EVC: variants seen among roughly 807,000 people sequenced by gnomAD.
EVC encodes the protein evC complex member EVC.
EVC carries 116 observed loss-of-function variants against 118.9 expected under a neutral mutation model. The observed-to-expected ratio is 0.98, with a 90% CI of 0.84 to 1.14. The LOEUF is 1.14. Ranked by LOEUF, EVC falls within the 50% of genes most tolerant of loss-of-function variation. The probability of loss-of-function intolerance (pLI) is 0.00; values close to 1 mark genes in which losing one functional copy is unlikely to be tolerated. For missense variants in EVC, 1,401 were observed against 1,246.4 expected (o/e 1.12, Z -1.87); for synonymous variants, 619 against 534.7 (o/e 1.16, Z -2.18).
chr4:5,739,899 C>CGA lies in EVC; in HGVS notation c.703-1817_703-1816insGA, dbSNP rs796872603. Among the ~76,000 whole-genome samples the CGA allele has an allele frequency of 6.2e-4, 75 of 120,554 alleles. 1 individual carries two copies. The highest frequency in any genetic ancestry group is 2.2e-3 in the African/African-American group (71 of 31,642). The allele number at this position is 120,554 out of a possible 152,430, so 79.1% of individuals were successfully genotyped here. On this transcript the variant is annotated intron_variant, in intron 5 of 20. Coordinates refer to ENST00000264956, the MANE Select transcript of EVC (RefSeq NM_153717.3). The stretch of plus-strand genomic sequence containing the variant: ...TGGGCAACACAGAGAAACCCCATCT[C>CGA]AAAAAAAAAAAAAAAAGCCTTACCG...
At chr4:5,718,547 G>A (rs9291099) in intron 1 of EVC, among the ~76,000 whole-genome samples, 122,123 of 151,890 alleles carry the variant, frequency 0.8, 49,444 homozygotes, top group African/African-American at 0.89. Context: ...GTATGAAAAG[G>A]ATGTTTGTTT....
chr4:5,809,495 G>T, intron 18 of EVC, 23 bp from the exon 19 acceptor site: 1 of 1,607,202 alleles, frequency 6.2e-7, no homozygotes, highest in Non-Finnish European at 8.5e-7. Context: ...CCAGCTGAAT[G>T]CTCCTCTCTG....
chr4:5,748,536 C>G lies in EVC; in HGVS notation c.1098+230C>G, dbSNP rs56236353. On this transcript the variant is annotated intron_variant, in intron 8 of 20. Coordinates refer to ENST00000264956, the MANE Select transcript of EVC (RefSeq NM_153717.3). ...CCCTTCCATCCATCCATCCATCTAC[C>G]CATCCATCCATCTGCCCTCCCACCC... 0.21 allele frequency among the ~76,000 whole-genome samples: 18,468 copies of G among 86,416 alleles called. 4,442 individuals are homozygous for G. The highest frequency in any genetic ancestry group is 0.38 in the East Asian group (928 of 2,446). The allele number at this position is 86,416 out of a possible 152,430, so 56.7% of individuals were successfully genotyped here. A position where few individuals can be genotyped will look rare whatever the true frequency, so the allele number is the denominator to read the frequency against.
At chr4:5,801,839 G>A (rs1039680320) in intron 15 of EVC, 111 bp from the exon 16 acceptor site, 2 of 1,236,980 alleles carry the variant, frequency 1.6e-6, no homozygotes, top group South Asian at 1.3e-5. Context: ...CCAGGTTGGT[G>A]AGTAGGTGGA....
intron 2 of EVC, among the ~76,000 whole-genome samples, chr4:5,722,901 C>T (rs1171703450): frequency 6.6e-6 from 1 of 152,206 alleles, no homozygotes; most frequent in South Asian, 2.1e-4. Context: ...GACACCTGAC[C>T]TTAATGAGGA....
intron 8 of EVC, among the ~76,000 whole-genome samples, chr4:5,750,603 A>G (rs1040904568): frequency 6.6e-6 from 1 of 152,108 alleles, no homozygotes; most frequent in Non-Finnish European, 1.5e-5. Context: ...ATTTGGTTTC[A>G]TTTTCTGTGA....
chr4:5,781,760 A>G (rs74891324), intron 11 of EVC, among the ~76,000 whole-genome samples: 3,359 of 152,260 alleles, frequency 0.022, 109 homozygotes, highest in African/African-American at 0.076. Context: ...GGGTCACCTG[A>G]GTCCAGGAAG....
chr4:5,758,088 T>G (rs1247940024), intron 11 of EVC: 1 of 702,238 alleles, frequency 1.4e-6, no homozygotes, highest in Non-Finnish European at 2.6e-6. Context: ...AAGAAGGCCA[T>G]GAGAAGACAT....
In EVC at chr4:5,738,652, T is replaced by A. The variant is rs1316993620; in HGVS notation, c.703-3064T>A. On this transcript the variant is annotated intron_variant, in intron 5 of 20. Coordinates refer to ENST00000264956, the MANE Select transcript of EVC (RefSeq NM_153717.3). The surrounding 1 kb of genome is among the most constrained non-coding windows in gnomAD (Gnocchi z 6.5). ...GGAGATCTCAACTCACTGCAAACTT[T>A]GCCTCCCAGATTCAAGTGATTCTCC... is the stretch of plus-strand genomic sequence containing the variant. 6.6e-6 allele frequency among the ~76,000 whole-genome samples: 1 copy of A among 151,944 alleles called. No homozygotes were observed. Among genetic ancestry groups the A allele is most frequent in the African/African-American group, 2.4e-5 (1 of 41,350 alleles).
chr4:5,742,439 C>T lies in EVC; in HGVS notation c.801+625C>T, dbSNP rs1047578738. Among the ~76,000 whole-genome samples, 5 of 152,116 alleles carry T rather than the reference C, an allele frequency of 3.3e-5. No individual in the cohort carries two copies. The highest frequency in any genetic ancestry group is 1.2e-4 in the African/African-American group (5 of 41,438). ...AAAATCATCATCATCTTCATTATCA[C>T]CACCAGTTTTATTTTGTATCACCAT... On this transcript the variant is annotated intron_variant, in intron 6 of 20. Coordinates refer to ENST00000264956, the MANE Select transcript of EVC (RefSeq NM_153717.3). The surrounding 1 kb of genome is among the most constrained non-coding windows in gnomAD (Gnocchi z 5.2).
chr4:5,748,372 T>A lies in EVC; in HGVS notation c.1098+66T>A, dbSNP rs1729693655. On this transcript the variant is annotated intron_variant, in intron 8 of 20. Coordinates refer to ENST00000264956, the MANE Select transcript of EVC (RefSeq NM_153717.3). Reference sequence around the variant, plus strand: ...GACTAGAGATATGGAATCCTGAGGCTTGACATCCTTAAATCTAACAGATTC... The same window carrying A: ...GACTAGAGATATGGAATCCTGAGGCATGACATCCTTAAATCTAACAGATTC... 5.8e-6 allele frequency: 9 copies of A among 1,562,554 alleles called. No individual in the cohort carries two copies. The South Asian group carries it at 9.1e-5, about 16-fold the overall frequency.
intron 2 of EVC, among the ~76,000 whole-genome samples, chr4:5,720,388 C>T (rs1724746474): frequency 6.6e-6 from 1 of 152,124 alleles, no homozygotes; most frequent in African/African-American, 2.4e-5. Context: ...TTTCCTGAGT[C>T]CCGCAGCTGG....
At chr4:5,816,340 A>G (rs1424733213), downstream of EVC, among the ~76,000 whole-genome samples, 1 of 152,134 alleles carries the variant, frequency 6.6e-6, no homozygotes, top group East Asian at 1.9e-4. Context: ...CATCCTTGGG[A>G]TTTCCTGCCG....
chr4:5,795,122 C>T (rs577587562), intron 13 of EVC, among the ~76,000 whole-genome samples: 5 of 152,236 alleles, frequency 3.3e-5, no homozygotes, highest in Admixed American at 2.0e-4. Context: ...TTTCTTTATC[C>T]AATCCACCAT....
intron 16 of EVC, among the ~76,000 whole-genome samples, chr4:5,804,226 C>T (rs994845688): frequency 6.6e-6 from 1 of 152,170 alleles, no homozygotes; most frequent in African/African-American, 2.4e-5. Flanking sequence ...GCGTGAGCCA[C>T]CTCGCCCGGC....
chr4:5,826,184 A>G, the EVC span: 48,984 of 154,906 alleles, frequency 0.32, 13,080 homozygotes, highest in African/African-American at 0.74. Context: ...TCCCTTCCAA[A>G]GAGAAGTCAC....
chr4:5,718,023 C>G (rs910918894), intron 1 of EVC, among the ~76,000 whole-genome samples: 2 of 152,238 alleles, frequency 1.3e-5, no homozygotes, highest in East Asian at 1.9e-4. Context: ...AACTCAGTGA[C>G]AAACTGGTGA....
chr4:5,711,342 G>A lies in EVC; in HGVS notation c.-39G>A, dbSNP rs1722970569. On this transcript the variant is annotated 5_prime_UTR_variant, in exon 1 of 21. Transcript: ENST00000264956. ...CGCCCTGGCGGGGACGGTGCAGCAGGCGGCGGGATGCGGCGGGGCGGCAGC... is the reference window on the plus strand; with the variant it reads ...CGCCCTGGCGGGGACGGTGCAGCAGACGGCGGGATGCGGCGGGGCGGCAGC... 6 of 1,007,086 alleles carry A rather than the reference G, an allele frequency of 6.0e-6. No homozygotes were observed. The highest frequency in any genetic ancestry group is 9.1e-5 in the South Asian group (2 of 22,016). 62.4% of individuals were successfully genotyped at this position (1,007,086 alleles called of 1,614,324 possible).
At chr4:5,741,904 T>C in intron 6 of EVC, 90 bp downstream of exon 6, 1 of 645,162 alleles carries the variant, frequency 1.5e-6, no homozygotes, top group South Asian at 1.8e-5. Context: ...TTCTTTCATG[T>C]ATAAAATAGC....
Sources: gnomAD v4.1 joint callset for allele counts (sites outside exome capture counted in the v4.1 genomes callset) on GRCh38, gnomAD v4.1.1 for gene constraint, Gnocchi (gnomAD v3.1) non-coding constraint, MANE v1.5 for transcripts, NCBI Gene and HGNC (gene_info 2026-07-23, HGNC 2026-07-21) for gene names.